Variants in IL1RAPL2 observed in about 807,000 individuals in gnomAD.
IL1RAPL2 encodes X-linked interleukin-1 receptor accessory protein-like 2.
A neutral mutation model predicts 44.1 loss-of-function variants in IL1RAPL2; 3 were observed. That is an observed-to-expected ratio of 0.07 (90% CI 0.03 to 0.18). IL1RAPL2 has a LOEUF of 0.18. Ranked by LOEUF, IL1RAPL2 falls within the 10% of genes least tolerant of loss-of-function variation. IL1RAPL2 has a pLI of 1.00. For missense variants in IL1RAPL2, 391 were observed against 496.4 expected (o/e 0.79, Z 2.02); for synonymous variants, 181 against 178.8 (o/e 1.01, Z -0.10).
At chrX:105,241,123 T>A (rs1556207855) in intron 4 of IL1RAPL2, among the ~76,000 whole-genome samples, 1 of 111,448 alleles carries the variant, frequency 9.0e-6, no homozygotes, top group Admixed American at 9.6e-5. Context: ...TATCAAATAA[T>A]CCTGTTTACC....
intron 2 of IL1RAPL2, among the ~76,000 whole-genome samples, chrX:105,009,679 A>T (rs994510756): frequency 2.3e-4 from 25 of 109,120 alleles, no homozygotes; most frequent in African/African-American, 8.4e-4. Context: ...CAGCACACCA[A>T]CATGGCACAT....
In IL1RAPL2 at chrX:105,402,102, C is replaced by T. The variant is rs191430246; in HGVS notation, c.698-82211C>T. 3.5e-3 allele frequency among the ~76,000 whole-genome samples: 387 copies of T among 110,916 alleles called. 2 individuals are homozygous for T. Among genetic ancestry groups the T allele is most frequent in the African/African-American group, 0.012 (369 of 30,639 alleles). On this transcript the variant is annotated intron_variant, in intron 5 of 10. Coordinates refer to ENST00000372582, the MANE Select transcript of IL1RAPL2 (RefSeq NM_017416.2). ...CCTAAAGGTTTCATAGAGGAGTAGT[C>T]AATACAACTTTCAAAAATGAAAATA...
chrX:105,007,249 A>G (rs1876876417), intron 2 of IL1RAPL2, among the ~76,000 whole-genome samples: 1 of 111,467 alleles, frequency 9.0e-6, no homozygotes, highest in Admixed American at 9.5e-5. Flanking sequence ...CTTGGGGGAA[A>G]TTTAAAAGAA....
In IL1RAPL2 at chrX:105,227,113, C is replaced by G. The variant is rs191319953; in HGVS notation, c.357-6705C>G. On this transcript the variant is annotated intron_variant, in intron 3 of 10. Transcript: ENST00000372582. Reference sequence around the variant, plus strand: ...GGAGGGATAGCTTTAGGAGATGTACCTAATGCTAAATGACGAGTTAATGGG... The same window carrying G: ...GGAGGGATAGCTTTAGGAGATGTACGTAATGCTAAATGACGAGTTAATGGG... Among the ~76,000 whole-genome samples the G allele has an allele frequency of 4.8e-3, 503 of 105,766 alleles. 2 individuals are homozygous for G. Among genetic ancestry groups the G allele is most frequent in the African/African-American group, 0.016 (479 of 29,147 alleles). The allele number at this position is 105,766 out of a possible 115,157, so 91.8% of individuals were successfully genotyped here.
chrX:105,653,978 AACACAC>A (rs767662311), intron 6 of IL1RAPL2, among the ~76,000 whole-genome samples: 1 of 109,606 alleles, frequency 9.1e-6, no homozygotes, highest in Non-Finnish European at 1.9e-5. Flanking sequence ...CACACACACA[AACACAC>A]ACACACACGC....
At chrX:105,037,841 C>T (rs183218218) in intron 2 of IL1RAPL2, among the ~76,000 whole-genome samples, 91 of 111,956 alleles carry the variant, frequency 8.1e-4, no homozygotes, top group African/African-American at 2.9e-3. Context: ...CAGAACTTCT[C>T]GAAAGAGTTT....
chrX:105,185,792 T>C (rs2033579884), intron 2 of IL1RAPL2, among the ~76,000 whole-genome samples: 2 of 111,996 alleles, frequency 1.8e-5, no homozygotes, highest in Admixed American at 9.5e-5. Flanking sequence ...TTAGAAAAGA[T>C]TTCTGAAAAT....
chrX:104,636,539 A>T (rs372083819), intron 1 of IL1RAPL2, among the ~76,000 whole-genome samples: 1 of 111,959 alleles, frequency 8.9e-6, no homozygotes, highest in South Asian at 3.7e-4. Flanking sequence ...AGCCTTGGCA[A>T]TGGCGGGCAC....
rs147211705 is a variant in IL1RAPL2 at position 105,752,254 on chromosome X, A to C, written c.1193-2923A>C. ...GGTAGTAGGTATATAATAATCAACAAGATTACACAGTATTTGCTCTGTAGA... is the reference window on the plus strand; with the variant it reads ...GGTAGTAGGTATATAATAATCAACACGATTACACAGTATTTGCTCTGTAGA... On this transcript the variant is annotated intron_variant, in intron 9 of 10. Coordinates refer to ENST00000372582, the MANE Select transcript of IL1RAPL2 (RefSeq NM_017416.2). Among the ~76,000 whole-genome samples, 6 of 112,276 alleles carry C rather than the reference A, an allele frequency of 5.3e-5. No homozygotes were observed. The East Asian group carries it at 1.7e-3, about 32-fold the overall frequency.
rs766021521 is a variant in IL1RAPL2, at chrX:104,600,404, A to G, written c.-20+33353A>G. ...AAGTGAAAGCACGTTCACTGTACCT[A>G]TTCAAAAGTAGGAACAATATTAATA... On this transcript the variant is annotated intron_variant, in intron 1 of 10. Transcript: ENST00000372582. 4.5e-5 allele frequency among the ~76,000 whole-genome samples: 5 copies of G among 111,809 alleles called. No individual in the cohort carries two copies. In the South Asian group the frequency reaches 1.9e-3, roughly 43 times the overall value.
chrX:105,605,157 T>G (rs1432300561), intron 6 of IL1RAPL2, among the ~76,000 whole-genome samples: 1 of 111,063 alleles, frequency 9.0e-6, no homozygotes, highest in East Asian at 2.8e-4. Flanking sequence ...CAAAATCAAA[T>G]TGTACCAGTT....
At chrX:105,008,609 G>T (rs996450357) in intron 2 of IL1RAPL2, among the ~76,000 whole-genome samples, 1 of 110,917 alleles carries the variant, frequency 9.0e-6, no homozygotes, top group Non-Finnish European at 1.9e-5. Flanking sequence ...ATTCAAGATG[G>T]ATTAAAGACT....
intron 1 of IL1RAPL2, among the ~76,000 whole-genome samples, chrX:104,580,772 G>A (rs1015906163): frequency 8.9e-5 from 10 of 111,938 alleles, no homozygotes; most frequent in South Asian, 3.7e-4. Flanking sequence ...GCACTGTAGA[G>A]GTTTCAATAA....
At chrX:105,647,261 G>A (rs1009648230) in intron 6 of IL1RAPL2, among the ~76,000 whole-genome samples, 7 of 111,804 alleles carry the variant, frequency 6.3e-5, no homozygotes, top group Non-Finnish European at 1.3e-4. Context: ...GGTGGACAGC[G>A]AGCGAAAGCT....
chrX:105,492,171 T>C (rs1485901134), intron 6 of IL1RAPL2, among the ~76,000 whole-genome samples: 1 of 111,771 alleles, frequency 8.9e-6, no homozygotes, highest in East Asian at 2.8e-4. Context: ...TTATTACTCA[T>C]AAGAGCTCAA....
intron 1 of IL1RAPL2, among the ~76,000 whole-genome samples, chrX:104,596,074 A>G (rs1928758105): frequency 9.0e-6 from 1 of 111,367 alleles, no homozygotes; most frequent in African/African-American, 3.3e-5. Flanking sequence ...CAAGGAAAAC[A>G]AGTATATTGA....
intron 5 of IL1RAPL2, among the ~76,000 whole-genome samples, chrX:105,409,751 G>T (rs959820427): frequency 9.1e-6 from 1 of 109,874 alleles, no homozygotes; most frequent in Non-Finnish European, 1.9e-5. Flanking sequence ...GGGAGAAGTA[G>T]AGAATGGTAG....
At chrX:105,389,396 A>G (rs1002963257) in intron 5 of IL1RAPL2, among the ~76,000 whole-genome samples, 1 of 112,022 alleles carries the variant, frequency 8.9e-6, no homozygotes, top group Admixed American at 9.5e-5. Flanking sequence ...AAGTTGGCCC[A>G]TTTGACTCCC....
At chrX:104,715,179 TA>T (rs1252427102) in intron 2 of IL1RAPL2, among the ~76,000 whole-genome samples, 6 of 109,761 alleles carry the variant, frequency 5.5e-5, no homozygotes, top group Non-Finnish European at 1.1e-4. Context: ...GTCTGTTCAG[TA>T]AATCAATCTT....
Sources: allele counts gnomAD v4.1 joint callset (sites outside exome capture counted in the v4.1 genomes callset), GRCh38; gene constraint gnomAD v4.1.1; transcripts MANE v1.5; gene names NCBI Gene and HGNC (gene_info 2026-07-23, HGNC 2026-07-21).